The following NXPH2 variants were observed in gnomAD, a reference collection of about 807,000 sequenced individuals.
The protein encoded by NXPH2 is neurexophilin-2.
In NXPH2, 5 loss-of-function variants were observed where a neutral mutation model predicts 19.8. The observed-to-expected ratio is 0.25, with a 90% CI of 0.13 to 0.53. NXPH2 has a LOEUF of 0.53. Ranked by LOEUF, NXPH2 falls within the 20% of genes least tolerant of loss-of-function variation. NXPH2 has a pLI of 0.96. For synonymous variants in NXPH2, 154 were observed against 127.4 expected, an observed-to-expected ratio of 1.21 and a Z score of -1.41; for missense variants, 289 against 322.8, an observed-to-expected ratio of 0.90 and a Z score of 0.80.
chr2:138,734,650 G>A (rs1459912329), intron 1 of NXPH2, among the ~76,000 whole-genome samples: 4 of 152,212 alleles, frequency 2.6e-5, no homozygotes, highest in Non-Finnish European at 5.9e-5. Flanking sequence ...GCCAGAGGGA[G>A]ACCACAGTAG....
At chr2:138,748,949 C>T (rs1375695029) in intron 1 of NXPH2, among the ~76,000 whole-genome samples, 4 of 152,160 alleles carry the variant, frequency 2.6e-5, no homozygotes, top group African/African-American at 9.7e-5. Context: ...CACTACTGCT[C>T]TTACCAAAAG....
At position 138,681,061 on chromosome 2, in the gene NXPH2, A is replaced by C. The variant is rs76579047; in HGVS notation, c.52-9396T>G. On this transcript the variant is annotated intron_variant, in intron 1 of 1. Coordinates refer to ENST00000272641, the MANE Select transcript of NXPH2 (RefSeq NM_007226.3). ...GCCTTTCACCTTTCTACCTCCAAAG[A>C]GCTTTTGAAGGTGCATAAGATGCAG... is the stretch of plus-strand genomic sequence containing the variant. Among the ~76,000 whole-genome samples the C allele has an allele frequency of 2.5e-3, 386 of 152,280 alleles. 1 individual carries two copies. Among genetic ancestry groups the C allele is most frequent in the African/African-American group, 8.5e-3 (355 of 41,564 alleles).
At chr2:138,687,685 G>C (rs951993199) in intron 1 of NXPH2, among the ~76,000 whole-genome samples, 3 of 152,192 alleles carry the variant, frequency 2.0e-5, no homozygotes, top group African/African-American at 4.8e-5. Context: ...TAACATTTAA[G>C]TCTTTAATCC....
In NXPH2 at chr2:138,771,867, G is replaced by T. The variant is rs938500289; in HGVS notation, c.51+8324C>A. Reference sequence around the variant, plus strand: ...ATTCTGGCAAAGTGCCTCCCCAAAAGAAATCTGGGTGGAGAACCAATAACA... The same window carrying T: ...ATTCTGGCAAAGTGCCTCCCCAAAATAAATCTGGGTGGAGAACCAATAACA... On this transcript the variant is annotated intron_variant, in intron 1 of 1. Transcript: ENST00000272641. Among the ~76,000 whole-genome samples, 3 of 152,112 alleles carry T rather than the reference G, an allele frequency of 2.0e-5. No individual in the cohort carries two copies. The East Asian group carries it at 5.8e-4, about 29-fold the overall frequency.
intron 1 of NXPH2, among the ~76,000 whole-genome samples, chr2:138,768,265 T>C (rs987002153): frequency 6.6e-6 from 1 of 152,232 alleles, no homozygotes; most frequent in Non-Finnish European, 1.5e-5. Context: ...TGGTTATCTA[T>C]GACTATTTAT....
At chr2:138,773,055 A>G (rs1017652779) in intron 1 of NXPH2, among the ~76,000 whole-genome samples, 4 of 152,264 alleles carry the variant, frequency 2.6e-5, no homozygotes, top group African/African-American at 9.6e-5. Context: ...TGGTGACTTC[A>G]AGATCCAAAT....
chr2:138,774,351 C>A (rs1682225559), intron 1 of NXPH2, among the ~76,000 whole-genome samples: 1 of 152,158 alleles, frequency 6.6e-6, no homozygotes, highest in Non-Finnish European at 1.5e-5. Flanking sequence ...TCCGTAAGCA[C>A]AGATCTAGTA....
At chr2:138,672,149 A>T (rs1680425995) in intron 1 of NXPH2, among the ~76,000 whole-genome samples, 1 of 152,222 alleles carries the variant, frequency 6.6e-6, no homozygotes, top group Admixed American at 6.5e-5. Flanking sequence ...AAAGGCTTAT[A>T]ACATGTAATT....
At position 138,753,141 on chromosome 2, in the gene NXPH2, A is replaced by G. The variant is rs1345681141; in HGVS notation, c.51+27050T>C. Among the ~76,000 whole-genome samples the G allele has an allele frequency of 2.0e-5, 3 of 152,164 alleles. No individual in the cohort carries two copies. In the East Asian group the frequency reaches 5.8e-4, roughly 29 times the overall value. ...TATAAACCATTTGGAATCCTTCTGC[A>G]TGGGAAATTTATTATTCCTCATTTG... On this transcript the variant is annotated intron_variant, in intron 1 of 1. Coordinates refer to ENST00000272641, the MANE Select transcript of NXPH2 (RefSeq NM_007226.3).
chr2:138,729,173 A>C (rs1043384329), intron 1 of NXPH2, among the ~76,000 whole-genome samples: 1 of 152,114 alleles, frequency 6.6e-6, no homozygotes, highest in African/African-American at 2.4e-5. Flanking sequence ...TCCCCACCCA[A>C]ATCTCATCTT....
At chr2:138,684,481 A>G (rs977935676) in intron 1 of NXPH2, among the ~76,000 whole-genome samples, 6 of 152,194 alleles carry the variant, frequency 3.9e-5, no homozygotes, top group Non-Finnish European at 5.9e-5. Flanking sequence ...CATATTTTCT[A>G]TCTGTAATAT....
chr2:138,706,718 C>T (rs4954952), intron 1 of NXPH2, among the ~76,000 whole-genome samples: 76,168 of 151,654 alleles, frequency 0.5, 21,286 homozygotes, highest in South Asian at 0.75. Flanking sequence ...TTGAGAACAG[C>T]CTGGGCAACA....
At chr2:138,712,665 TC>T (rs1681122139) in intron 1 of NXPH2, among the ~76,000 whole-genome samples, 1 of 152,170 alleles carries the variant, frequency 6.6e-6, no homozygotes, top group South Asian at 2.1e-4. Context: ...AATGCTTCCT[TC>T]CCCTCACCCC....
intron 1 of NXPH2, among the ~76,000 whole-genome samples, chr2:138,717,680 T>C (rs1174559335): frequency 6.6e-6 from 1 of 152,030 alleles, no homozygotes; most frequent in African/African-American, 2.4e-5. Flanking sequence ...CAGCAACCTG[T>C]ATGCTTCAGA....
rs531407267 is a variant in NXPH2 at position 138,745,799 on chromosome 2, AAG to A, written c.51+34390_51+34391del. Among the ~76,000 whole-genome samples, 182 of 151,088 alleles carry A rather than the reference AAG, an allele frequency of 1.2e-3. 1 individual carries two copies. Among genetic ancestry groups the A allele is most frequent in the Middle Eastern group, 3.4e-3 (1 of 294 alleles). On this transcript the variant is annotated intron_variant, in intron 1 of 1. Transcript: ENST00000272641. ...GACAGCTGTTACCTATGGAGTGAGA[AAG>A]AGAGGAATTCAATTATAGGGTGGGG...
intron 1 of NXPH2, among the ~76,000 whole-genome samples, chr2:138,710,068 C>T (rs1244130946): frequency 6.6e-6 from 1 of 152,180 alleles, no homozygotes. Flanking sequence ...AAACATCAAG[C>T]AATAACTCCC....
At chr2:138,765,808 T>C (rs1238734876) in intron 1 of NXPH2, among the ~76,000 whole-genome samples, 2 of 152,244 alleles carry the variant, frequency 1.3e-5, no homozygotes, top group African/African-American at 4.8e-5. Flanking sequence ...TATATTTTAA[T>C]TGTAACAAAT....
rs1158383438 is a variant in NXPH2 at position 138,687,400 on chromosome 2, G to GT, written c.52-15736dup. Among the ~76,000 whole-genome samples the GT allele has an allele frequency of 1.1e-4, 17 of 151,924 alleles. No homozygotes were observed. The South Asian group carries it at 2.7e-3, about 24-fold the overall frequency. On this transcript the variant is annotated intron_variant, in intron 1 of 1. Coordinates refer to ENST00000272641, the MANE Select transcript of NXPH2 (RefSeq NM_007226.3). ...ACTTCACCGTCTTTTTGATGGGGTT[G>GT]TTTTTTTTCTTGTAAATTTGTTTGA...
At chr2:138,757,345 C>T (rs1681927601) in intron 1 of NXPH2, among the ~76,000 whole-genome samples, 1 of 152,080 alleles carries the variant, frequency 6.6e-6, no homozygotes, top group Non-Finnish European at 1.5e-5. Context: ...GTGCTGCTGC[C>T]GATCTGCTGC....
Sources: allele counts gnomAD v4.1 joint callset (sites outside exome capture counted in the v4.1 genomes callset), GRCh38; gene constraint gnomAD v4.1.1; transcripts MANE v1.5; gene names NCBI Gene and HGNC (gene_info 2026-07-23, HGNC 2026-07-21).